The following EPG5 variants were observed in gnomAD, a reference collection of about 807,000 sequenced individuals.
The protein encoded by EPG5 is ectopic P-granules 5 autophagy tethering factor, also known as ectopic P granules protein 5 homolog.
Under a neutral mutation model 302.7 loss-of-function variants are expected in EPG5, and 159 were observed. The ratio of observed to expected loss-of-function variants is 0.53; its 90% CI spans 0.46 to 0.60. The LOEUF (loss-of-function observed/expected upper bound fraction) is 0.60. Ranked by LOEUF, EPG5 falls within the 20% of genes least tolerant of loss-of-function variation. The pLI, the probability that EPG5 is intolerant of heterozygous loss-of-function variation, is 0.00. For synonymous variants in EPG5, 1,158 were observed against 1,136.8 expected (o/e 1.02, Z -0.37); for missense variants, 2,896 against 3,092.4 (o/e 0.94, Z 1.51).
chr18:45,908,809 T>A (rs1465474794), intron 23 of EPG5, among the ~76,000 whole-genome samples: 2 of 151,892 alleles, frequency 1.3e-5, no homozygotes, highest in African/African-American at 4.8e-5. Context: ...ATGAGCCGGG[T>A]GTGGTGGTGC....
intron 28 of EPG5, 84 bp downstream of exon 28, chr18:45,889,714 G>T: frequency 8.0e-7 from 1 of 1,257,192 alleles, no homozygotes. Flanking sequence ...GGTGCTGCAG[G>T]GGTGGTGGTG....
chr18:45,842,709 C>G (rs955805342), downstream of EPG5: 3 of 157,132 alleles, frequency 1.9e-5, no homozygotes, highest in African/African-American at 7.2e-5. Flanking sequence ...CTACAAAGAT[C>G]TGAGGAAATA....
chr18:45,832,494 G>GAT, the EPG5 span, among the ~76,000 whole-genome samples: 1,733 of 150,916 alleles, frequency 0.011, 54 homozygotes, highest in African/African-American at 0.04. Flanking sequence ...GCCAGGCACA[G>GAT]ATTGGGTGCT....
At chr18:45,960,726 GCATTT>G (rs1454553411) in intron 1 of EPG5, among the ~76,000 whole-genome samples, 2 of 152,108 alleles carry the variant, frequency 1.3e-5, no homozygotes, top group Non-Finnish European at 2.9e-5. Flanking sequence ...GGAATTCTGG[GCATTT>G]CATTTCTGGG....
At chr18:45,913,912 C>T (rs553356029) in intron 20 of EPG5, 84 bp from the exon 21 acceptor site, 9 of 1,512,370 alleles carry the variant, frequency 6.0e-6, no homozygotes, top group South Asian at 1.3e-5. Context: ...CAATTTAAAT[C>T]TCTTCCTATC....
At chr18:45,842,438 T>TGA in the EPG5 span, 4,550 of 495,138 alleles carry the variant, frequency 9.2e-3, 123 homozygotes, top group African/African-American at 0.084. Flanking sequence ...TGTGTGTGTG[T>TGA]GTGTGAGAGA....
At chr18:45,821,457 A>G in the EPG5 span, among the ~76,000 whole-genome samples, 175 of 152,368 alleles carry the variant, frequency 1.1e-3, no homozygotes, top group African/African-American at 4.1e-3. Flanking sequence ...AAGGCATTTT[A>G]TATGAGAATA....
chr18:45,902,342 G>T (rs2049638743), intron 25 of EPG5, among the ~76,000 whole-genome samples: 1 of 152,038 alleles, frequency 6.6e-6, no homozygotes, highest in African/African-American at 2.4e-5. Context: ...ACCAAGTTAG[G>T]TATTCACCAC....
chr18:45,856,953 C>T (rs9748268), intron 42 of EPG5, among the ~76,000 whole-genome samples: 2 of 152,124 alleles, frequency 1.3e-5, no homozygotes, highest in African/African-American at 4.8e-5. Flanking sequence ...GAGTCTTGCT[C>T]TGTTGGCCAG....
At chr18:45,914,526 T>C (rs1262716290) in intron 20 of EPG5, among the ~76,000 whole-genome samples, 2 of 152,248 alleles carry the variant, frequency 1.3e-5, no homozygotes, top group South Asian at 2.1e-4. Context: ...ATGATAATAA[T>C]AACAATGGCC....
chr18:45,903,977 C>G lies in EPG5; in HGVS notation c.4470G>C (p.Leu1490Phe), dbSNP rs771809666. Residue 1490 changes from leucine to phenylalanine, a missense_variant, in exon 25 of 44, where the codon TTG becomes TTC. Physicochemically the swap from Leu to Phe is conservative, Grantham distance 22 (BLOSUM62 0). This residue lies in a region of EPG5 where 790 missense variants were observed against 798.0 expected (regional missense o/e 0.99). Transcript: ENST00000282041. ...LSVQLDFTDPLLAKERVLSNL... is the reference protein window; with the variant it reads ...LSVQLDFTDPFLAKERVLSNL... ...GCAGGTGCTCCCAGGACCCACCCAG[C>G]AAAGGATCAGTGAAGTCCAGCTGCA... 6.2e-7 allele frequency: 1 copy of G among 1,606,540 alleles called. No homozygotes were observed. The highest frequency in any genetic ancestry group is 8.5e-7 in the Non-Finnish European group (1 of 1,178,468).
Position 45,916,011 on chromosome 18 carries a change from T to C in EPG5, c.3580A>G (p.Lys1194Glu), listed in dbSNP as rs1384287854. The change falls in exon 19 of 44, where the codon AAG becomes GAG. Residue 1194 changes from lysine to glutamate, a missense_variant and splice_region_variant. Physicochemically the swap from Lys to Glu is moderately conservative, Grantham distance 56. Transcript: ENST00000282041. ...AAATTCTCTAACAGGTTAATTACCT[T>C]ATGTTGTTGGTAGAGTAATTTCTGT... ...CIQKLLYQQHKNALGYHCDRS... is the reference protein window; with the variant it reads ...CIQKLLYQQHENALGYHCDRS... The C allele has an allele frequency of 1.2e-6, 2 of 1,608,750 alleles. No homozygotes were observed. The highest frequency in any genetic ancestry group is 1.7e-6 in the Non-Finnish European group (2 of 1,178,492).
At chr18:45,917,969 C>G in intron 16 of EPG5, 150 bp from the exon 17 acceptor site, 1 of 720,646 alleles carries the variant, frequency 1.4e-6, no homozygotes. Context: ...AATACTAAAC[C>G]CAGAATTCTA....
chr18:45,804,111 A>C, the EPG5 span, among the ~76,000 whole-genome samples: 3 of 152,218 alleles, frequency 2.0e-5, no homozygotes, highest in African/African-American at 4.8e-5. Context: ...GACGCCTAAA[A>C]TTATAATCAA....
At chr18:45,835,062 T>A in the EPG5 span, among the ~76,000 whole-genome samples, 1 of 151,978 alleles carries the variant, frequency 6.6e-6, no homozygotes, top group African/African-American at 2.4e-5. Flanking sequence ...TTCAAAAATG[T>A]AATTACATTT....
the EPG5 span, among the ~76,000 whole-genome samples, chr18:45,841,421 G>T: frequency 6.6e-6 from 1 of 152,178 alleles, no homozygotes; most frequent in African/African-American, 2.4e-5. Flanking sequence ...GGCAGGAAAG[G>T]CGTGGGGGTT....
Position 45,867,606 on chromosome 18 carries a change from A to C in EPG5, c.6368T>G (p.Met2123Arg). The change falls in exon 37 of 44, where the codon ATG becomes AGG. Residue 2123 changes from methionine (M) to arginine (R), a missense_variant. By Grantham distance (91) the Met-to-Arg change is moderately conservative. Coordinates refer to ENST00000282041, the MANE Select transcript of EPG5 (RefSeq NM_020964.3). ...TRSMIVCLLF[M>R]MILLAKEVQL... is the part of the protein sequence containing the mutation. ...AACTTCCTTTGCCAATAAAATCATC[A>C]TGAAAAGGAGGCAGACAATCATGCT... is the stretch of plus-strand genomic sequence containing the variant. The C allele has an allele frequency of 6.2e-7, 1 of 1,614,132 alleles. No individual in the cohort carries two copies. Among genetic ancestry groups the C allele is most frequent in the Non-Finnish European group, 8.5e-7 (1 of 1,180,000 alleles).
intron 13 of EPG5, among the ~76,000 whole-genome samples, chr18:45,928,307 A>T (rs1456653934): frequency 6.6e-6 from 1 of 152,236 alleles, no homozygotes; most frequent in Non-Finnish European, 1.5e-5. Flanking sequence ...CATATCTGTG[A>T]ATAGACTAAA....
At chr18:45,951,265 C>T (rs1599641886) in intron 3 of EPG5, 27 bp from the exon 4 acceptor site, 1 of 1,428,026 alleles carries the variant, frequency 7.0e-7, no homozygotes, top group Non-Finnish European at 9.2e-7. Flanking sequence ...TTAAATGAGT[C>T]TCTCATAAAT....
Sources: gnomAD v4.1 joint callset for allele counts (sites outside exome capture counted in the v4.1 genomes callset) on GRCh38, gnomAD v4.1.1 for gene constraint, gnomAD v4.1.1 regional missense constraint, MANE v1.5 for transcripts, NCBI Gene and HGNC (gene_info 2026-07-23, HGNC 2026-07-21) for gene names.